The following ATP11C variants were observed in gnomAD, a reference collection of about 807,000 sequenced individuals.
ATP11C encodes the protein phospholipid-transporting ATPase IG.
In ATP11C, 36 loss-of-function variants were observed where a neutral mutation model predicts 97.4. That is an observed-to-expected ratio of 0.37 (90% CI 0.28 to 0.49). The LOEUF is 0.49. Ranked by LOEUF, ATP11C falls within the 20% of genes least tolerant of loss-of-function variation. The probability of loss-of-function intolerance (pLI) is 0.98; values close to 1 mark genes in which losing one functional copy is unlikely to be tolerated. For missense variants in ATP11C, 730 were observed against 824.6 expected (o/e 0.89, Z 1.40); for synonymous variants, 275 against 290.9 (o/e 0.95, Z 0.56).
chrX:139,790,716 T>C (rs1451429092), intron 12 of ATP11C, among the ~76,000 whole-genome samples: 3 of 111,721 alleles, frequency 2.7e-5, no homozygotes, highest in Non-Finnish European at 5.6e-5. Context: ...AATTGGAAGA[T>C]ACAGTATAGG....
At chrX:139,885,663 A>T in intron 1 of ATP11C, 1 of 112,203 alleles carries the variant, frequency 8.9e-6, no homozygotes, top group Middle Eastern at 4.6e-3. Flanking sequence ...TAGTAATGCA[A>T]GAATAGTTCG....
rs142386876 is a variant in ATP11C, at chrX:139,783,648, G to C, written c.1667-381C>G. On this transcript the variant is annotated intron_variant, in intron 16 of 29. Coordinates refer to ENST00000682941, the MANE Select transcript of ATP11C (RefSeq NM_001353812.2). ...AGCATTGTGGGAGGCTGAAGTGGGA[G>C]GATCACTTAAGCTCAGGAGTTCAAG... 3.2e-3 allele frequency among the ~76,000 whole-genome samples: 354 copies of C among 111,439 alleles called. 4 individuals are homozygous for C. Among genetic ancestry groups the C allele is most frequent in the African/African-American group, 0.01 (317 of 30,647 alleles).
intron 1 of ATP11C, among the ~76,000 whole-genome samples, chrX:139,862,258 T>C (rs58683669): frequency 0.058 from 6,477 of 111,288 alleles, 449 homozygotes; most frequent in African/African-American, 0.2. Flanking sequence ...TCAGTATCCT[T>C]TGTAATAAAC....
At chrX:139,865,615 A>G (rs1371674278) in intron 1 of ATP11C, among the ~76,000 whole-genome samples, 1 of 109,506 alleles carries the variant, frequency 9.1e-6, no homozygotes, top group African/African-American at 3.3e-5. Flanking sequence ...CAAAAAAATT[A>G]GCCGGGCGTG....
rs1476360842 is a variant in ATP11C, at chrX:139,824,666, G to A, written c.147+2038C>T. ...CGCGCCACTGAACTCCAGCCTGGAC[G>A]ACAGAGCGAGACTCTGTCTCCCCCC... On this transcript the variant is annotated intron_variant, in intron 2 of 29. Coordinates refer to ENST00000682941, the MANE Select transcript of ATP11C (RefSeq NM_001353812.2). 4.5e-5 allele frequency among the ~76,000 whole-genome samples: 5 copies of A among 111,136 alleles called. No individual in the cohort carries two copies. In the Admixed American group the frequency reaches 4.8e-4, roughly 11 times the overall value.
At position 139,794,813 on chromosome X, in the gene ATP11C, G is replaced by A. The variant is rs2082761103; in HGVS notation, c.1206+1460C>T. Among the ~76,000 whole-genome samples, 4 of 111,825 alleles carry A rather than the reference G, an allele frequency of 3.6e-5. No individual in the cohort carries two copies. In the South Asian group the frequency reaches 1.1e-3, roughly 32 times the overall value. On this transcript the variant is annotated intron_variant, in intron 12 of 29. Coordinates refer to ENST00000682941, the MANE Select transcript of ATP11C (RefSeq NM_001353812.2). ...TTAGTGAACATTAAGTGTCATATTC[G>A]GAATGATGGCTATTCTATTTGTAAT...
chrX:139,907,882 T>G (rs2085008662), intron 1 of ATP11C, among the ~76,000 whole-genome samples: 1 of 111,079 alleles, frequency 9.0e-6, no homozygotes, highest in Non-Finnish European at 1.9e-5. Context: ...CCCTGTACCC[T>G]AACAACAGCT....
At chrX:139,830,511 C>G (rs1318170547) in intron 1 of ATP11C, among the ~76,000 whole-genome samples, 1 of 111,817 alleles carries the variant, frequency 8.9e-6, no homozygotes, top group Non-Finnish European at 1.9e-5. Flanking sequence ...TATCTCCCAT[C>G]AATTATTCAG....
chrX:139,744,400 A>G (rs751037218), intron 25 of ATP11C, among the ~76,000 whole-genome samples: 69 of 112,193 alleles, frequency 6.2e-4, no homozygotes, highest in African/African-American at 2.2e-3. Context: ...GTAAAACCTT[A>G]TTAATTTGGA....
At chrX:139,844,033 A>G (rs761598785) in intron 1 of ATP11C, among the ~76,000 whole-genome samples, 6 of 112,043 alleles carry the variant, frequency 5.4e-5, no homozygotes, top group African/African-American at 1.9e-4. Flanking sequence ...AATTAACATT[A>G]ACTTTGTTTA....
chrX:139,865,789 G>C (rs2084272836), intron 1 of ATP11C, among the ~76,000 whole-genome samples: 1 of 110,606 alleles, frequency 9.0e-6, no homozygotes, highest in Non-Finnish European at 1.9e-5. Context: ...AAATAAATAA[G>C]ACAAAAACAA....
Position 139,747,499 on chromosome X carries a change from C to T in ATP11C, c.2829-1642G>A, listed in dbSNP as rs149158252. ...TGAGCAGCAAAGGCCTGAGCACCTC[C>T]GTATTATGGTAGGCAGCAGGTATAC... On this transcript the variant is annotated intron_variant, in intron 24 of 29. Coordinates refer to ENST00000682941, the MANE Select transcript of ATP11C (RefSeq NM_001353812.2). Among the ~76,000 whole-genome samples the T allele has an allele frequency of 4.8e-3, 532 of 111,522 alleles. 1 individual carries two copies. Among genetic ancestry groups the T allele is most frequent in the African/African-American group, 0.016 (500 of 30,691 alleles).
chrX:139,855,472 C>T (rs2084074631), intron 1 of ATP11C, among the ~76,000 whole-genome samples: 1 of 111,256 alleles, frequency 9.0e-6, no homozygotes, highest in Admixed American at 9.6e-5. Context: ...TGCTGCTAAC[C>T]ACCGCTGTTC....
chrX:139,804,903 C>T (rs978756071), intron 5 of ATP11C, among the ~76,000 whole-genome samples: 1 of 112,128 alleles, frequency 8.9e-6, no homozygotes, highest in Non-Finnish European at 1.9e-5. Context: ...AAGACAATGA[C>T]ATTATCACTT....
At chrX:139,785,373 GA>G in intron 15 of ATP11C, 74 bp from the exon 16 acceptor site, 2 of 762,842 alleles carry the variant, frequency 2.6e-6, no homozygotes, top group Non-Finnish European at 3.9e-6. Context: ...AATATGTTAA[GA>G]TATTTAAACA....
intron 1 of ATP11C, among the ~76,000 whole-genome samples, chrX:139,875,654 A>T (rs2084460515): frequency 9.0e-6 from 1 of 111,565 alleles, no homozygotes; most frequent in African/African-American, 3.3e-5. Context: ...GAGAGCATTC[A>T]GGCCCCTGAA....
chrX:139,746,993 C>T (rs962115452), intron 24 of ATP11C, among the ~76,000 whole-genome samples: 1 of 111,615 alleles, frequency 9.0e-6, no homozygotes, highest in Non-Finnish European at 1.9e-5. Context: ...GGGCTTCGTG[C>T]ACATGGCAAT....
intron 1 of ATP11C, among the ~76,000 whole-genome samples, chrX:139,927,744 GA>G (rs745848984): frequency 3.4e-4 from 35 of 102,108 alleles, no homozygotes; most frequent in East Asian, 9.1e-4. Flanking sequence ...CAAAAAAAAG[GA>G]AAAAAAAAAA....
chrX:139,740,811 C>A (rs1433418659), intron 27 of ATP11C, among the ~76,000 whole-genome samples, 180 bp downstream of exon 27: 2 of 111,435 alleles, frequency 1.8e-5, no homozygotes, highest in African/African-American at 6.5e-5. Context: ...TATTTAAAAT[C>A]TTACCTGAAA....
Sources: allele counts gnomAD v4.1 joint callset (sites outside exome capture counted in the v4.1 genomes callset), GRCh38; gene constraint gnomAD v4.1.1; transcripts MANE v1.5; gene names NCBI Gene and HGNC (gene_info 2026-07-23, HGNC 2026-07-21).